Variants in CDK13 observed in about 807,000 individuals in gnomAD.
CDK13 encodes the protein cyclin-dependent kinase 13.
Under a neutral mutation model 137.6 loss-of-function variants are expected in CDK13, and 40 were observed. That is an observed-to-expected ratio of 0.29 (90% CI 0.23 to 0.38). The LOEUF (loss-of-function observed/expected upper bound fraction) is 0.38. Among genes scored for constraint, CDK13 ranks in the 10% least tolerant of loss-of-function variants. The probability of loss-of-function intolerance (pLI) is 1.00; values close to 1 mark genes in which losing one functional copy is unlikely to be tolerated. For synonymous variants in CDK13, 869 were observed against 760.1 expected (o/e 1.14, Z -2.36); for missense variants, 1,704 against 1,951.8 (o/e 0.87, Z 2.39).
At chr7:39,999,651 C>A in intron 4 of CDK13, 151 bp downstream of exon 4, 1 of 757,612 alleles carries the variant, frequency 1.3e-6, no homozygotes, top group Non-Finnish European at 2.1e-6. Context: ...TCTATATATG[C>A]ATTTTGTAAG....
At chr7:40,080,952 A>G (rs529796519) in intron 11 of CDK13, among the ~76,000 whole-genome samples, 3 of 152,296 alleles carry the variant, frequency 2.0e-5, no homozygotes, top group South Asian at 2.1e-4. Context: ...TTAATGGTCA[A>G]TCCACATTCA....
chr7:40,077,819 G>A (rs1421974013), intron 9 of CDK13, among the ~76,000 whole-genome samples, 186 bp from the exon 10 acceptor site: 1 of 152,152 alleles, frequency 6.6e-6, no homozygotes, highest in Non-Finnish European at 1.5e-5. Context: ...TTGTGCCACT[G>A]TACTCCAGCC....
rs1454620200 is a variant in CDK13, at chr7:40,078,034, T to C, written c.2810T>C (p.Val937Ala). ...ATATGTGGGAGTCCATGTCCTGCAG[T>C]GTGGCCTGATGTAATCAAACTACCA... ...SRICGSPCPA[V>A]WPDVIKLPYF... The change falls in exon 10 of 14, where the codon GTG (valine) becomes GCG (alanine). Residue 937 changes from valine (V) to alanine (A), a missense_variant. By Grantham distance (64) the Val-to-Ala change is moderately conservative. This residue lies in a region of CDK13 where 130 missense variants were observed against 362.4 expected (regional missense o/e 0.36). Transcript: ENST00000181839. 1 of 1,588,300 alleles carries C rather than the reference T, an allele frequency of 6.3e-7. No homozygotes were observed. Among genetic ancestry groups the C allele is most frequent in the Non-Finnish European group, 8.5e-7 (1 of 1,169,922 alleles).
chr7:40,044,889 G>T (rs1429080116), intron 5 of CDK13, among the ~76,000 whole-genome samples: 2 of 152,016 alleles, frequency 1.3e-5, no homozygotes. Flanking sequence ...GCCCACCTTG[G>T]CCTCCCAAAG....
intron 1 of CDK13, chr7:39,985,382 A>C (rs191256047): frequency 1.7e-4 from 28 of 161,440 alleles, no homozygotes; most frequent in African/African-American, 6.7e-4. Flanking sequence ...GTTGATGGAC[A>C]CTTAGGTTAC....
At chr7:40,021,101 A>C (rs1308052158) in intron 5 of CDK13, among the ~76,000 whole-genome samples, 3 of 28,560 alleles carry the variant, frequency 1.1e-4, no homozygotes, top group African/African-American at 2.5e-4. Flanking sequence ...GAGCAAACAA[A>C]CGTATATATA....
At chr7:39,989,762 A>T (rs900835400) in intron 2 of CDK13, among the ~76,000 whole-genome samples, 5 of 150,652 alleles carry the variant, frequency 3.3e-5, no homozygotes, top group African/African-American at 1.2e-4. Flanking sequence ...TTTCATTGAG[A>T]CTGGTGTTTC....
chr7:39,982,415 T>C (rs2116240718), intron 1 of CDK13, among the ~76,000 whole-genome samples: 1 of 152,248 alleles, frequency 6.6e-6, no homozygotes, highest in East Asian at 1.9e-4. Flanking sequence ...CAGTCTATCA[T>C]TGTTGGACAT....
intron 5 of CDK13, among the ~76,000 whole-genome samples, chr7:40,042,303 A>G (rs1007670300): frequency 1.3e-5 from 2 of 150,722 alleles, no homozygotes; most frequent in Non-Finnish European, 3.0e-5. Context: ...CTGGTCTCGA[A>G]CTCCTGAGCT....
chr7:40,090,129 G>T (rs1348623384), intron 12 of CDK13, among the ~76,000 whole-genome samples: 2 of 152,184 alleles, frequency 1.3e-5, no homozygotes, highest in Non-Finnish European at 2.9e-5. Context: ...TTTGGATGGT[G>T]ATCTGTTTTC....
intron 1 of CDK13, among the ~76,000 whole-genome samples, chr7:39,982,088 A>G (rs1784238599): frequency 1.3e-5 from 2 of 149,982 alleles, no homozygotes; most frequent in Admixed American, 6.7e-5. Flanking sequence ...ATATGTATAC[A>G]TGTGCCATGC....
At chr7:39,953,159 G>A (rs547392102) in intron 1 of CDK13, among the ~76,000 whole-genome samples, 3 of 152,296 alleles carry the variant, frequency 2.0e-5, no homozygotes, top group South Asian at 2.1e-4. Context: ...TGTTTATAGA[G>A]ATCTGAGCGT....
At chr7:40,057,261 A>C (rs1206591209) in intron 7 of CDK13, among the ~76,000 whole-genome samples, 1 of 152,338 alleles carries the variant, frequency 6.6e-6, no homozygotes, top group South Asian at 2.1e-4. Context: ...CTCAAAAGAA[A>C]AAAAAAATTT....
intron 1 of CDK13, among the ~76,000 whole-genome samples, chr7:39,967,397 A>C (rs1783895415): frequency 1.3e-5 from 2 of 151,896 alleles, no homozygotes; most frequent in African/African-American, 4.8e-5. Context: ...ACGCCTCTGC[A>C]CTCCAGCCTG....
At chr7:40,027,273 G>A (rs1198232212) in intron 5 of CDK13, among the ~76,000 whole-genome samples, 1 of 152,166 alleles carries the variant, frequency 6.6e-6, no homozygotes, top group Non-Finnish European at 1.5e-5. Context: ...AGCCCAGCAG[G>A]CGAAGGTTAC....
chr7:40,036,122 C>T (rs1038747835), intron 5 of CDK13, among the ~76,000 whole-genome samples: 1 of 151,612 alleles, frequency 6.6e-6, no homozygotes, highest in Non-Finnish European at 1.5e-5. Context: ...TACCACTGCA[C>T]TCCAGCCTGG....
rs1359032569 is a variant in CDK13, at chr7:39,951,530, C to A, written c.889C>A (p.Pro297Thr). Reference protein sequence around the residue: ...KEPPSAYKEPPKAYREDKTEP... With the variant: ...KEPPSAYKEPTKAYREDKTEP... ...GCCGCCTTCGGCCTACAAGGAACCG[C>A]CCAAGGCCTACCGGGAGGACAAGAC... The change falls in exon 1 of 14, where the codon CCC (proline) becomes ACC (threonine). Residue 297 changes from proline to threonine, a missense_variant. By Grantham distance (38) the Pro-to-Thr change is conservative. Around this residue, in one of 5 missense-constraint regions of CDK13, gnomAD observed 1,051 missense variants for 931.0 expected, o/e 1.13. Coordinates refer to ENST00000181839, the MANE Select transcript of CDK13 (RefSeq NM_003718.5). 6.5e-7 allele frequency: 1 copy of A among 1,536,556 alleles called. No homozygotes were observed. Among genetic ancestry groups the A allele is most frequent in the Non-Finnish European group, 8.7e-7 (1 of 1,143,756 alleles).
In CDK13 at chr7:40,020,801, T is replaced by C. The variant is rs17496436; in HGVS notation, c.2353+18770T>C. ...AAGGAATAGATTGCTTTAAATATATTAAAAAGTAGGGGTGGGCACGGTGGC... is the reference window on the plus strand; with the variant it reads ...AAGGAATAGATTGCTTTAAATATATCAAAAAGTAGGGGTGGGCACGGTGGC... On this transcript the variant is annotated intron_variant, in intron 5 of 13. Transcript: ENST00000181839. 9.0e-3 allele frequency among the ~76,000 whole-genome samples: 1,364 copies of C among 152,280 alleles called. 4 individuals carry two copies. The highest frequency in any genetic ancestry group is 0.017 in the Middle Eastern group (5 of 294).
At chr7:39,964,734 C>G (rs1347460168) in intron 1 of CDK13, among the ~76,000 whole-genome samples, 1 of 152,100 alleles carries the variant, frequency 6.6e-6, no homozygotes, top group Non-Finnish European at 1.5e-5. Context: ...AATTTTAGAT[C>G]TTTCCTGCTT....
Sources: gnomAD v4.1 joint callset for allele counts (sites outside exome capture counted in the v4.1 genomes callset) on GRCh38, gnomAD v4.1.1 for gene constraint, gnomAD v4.1.1 regional missense constraint, MANE v1.5 for transcripts, NCBI Gene and HGNC (gene_info 2026-07-23, HGNC 2026-07-21) for gene names.